Variants in HYDIN observed in about 807,000 individuals in gnomAD.
The protein encoded by HYDIN is HYDIN axonemal central pair apparatus protein.
HYDIN carries 132 observed loss-of-function variants against 403.9 expected under a neutral mutation model. That is an observed-to-expected ratio of 0.33 (90% confidence interval 0.28 to 0.38). HYDIN has a LOEUF of 0.38. Ranked by LOEUF, HYDIN falls within the 10% of genes least tolerant of loss-of-function variation. The probability of loss-of-function intolerance (pLI) is 1.00; values close to 1 mark genes in which losing one functional copy is unlikely to be tolerated. For missense variants in HYDIN, 2,827 were observed against 5,009.5 expected, an observed-to-expected ratio of 0.56 and a Z score of 13.15; for synonymous variants, 1,202 against 1,891.7, an observed-to-expected ratio of 0.64 and a Z score of 9.46.
intron 84 of HYDIN, among the ~76,000 whole-genome samples, chr16:70,810,604 G>A (rs562114311): frequency 6.6e-6 from 1 of 152,292 alleles, no homozygotes; most frequent in South Asian, 2.1e-4. Context: ...GGCTGAGGCG[G>A]GTGGATCACA....
Position 70,938,594 on chromosome 16 carries a change from G to GGCCA in HYDIN, c.6995+16_6995+19dup. The GGCCA allele has an allele frequency of 1.3e-6, 2 of 1,526,436 alleles. No homozygotes were observed. Among genetic ancestry groups the GGCCA allele is most frequent in the Non-Finnish European group, 1.8e-6 (2 of 1,109,012 alleles). The allele number at this position is 1,526,436 out of a possible 1,614,324, so 94.6% of individuals were successfully genotyped here. On this transcript the variant is annotated intron_variant, in intron 44 of 85. Transcript: ENST00000393567. ...GTCCCGGGGGAATGGCTTCTGCTCT[G>GGCCA]GCCAGCCCTTGGCCCTGACCTCTTC...
chr16:70,816,017 G>C (rs2035814479), intron 84 of HYDIN, among the ~76,000 whole-genome samples: 1 of 151,826 alleles, frequency 6.6e-6, no homozygotes, highest in Non-Finnish European at 1.5e-5. Flanking sequence ...GCTGAGGCAA[G>C]AGCATTGCTT....
At chr16:70,937,934 C>T (rs557312424) in intron 44 of HYDIN, among the ~76,000 whole-genome samples, 123 of 152,126 alleles carry the variant, frequency 8.1e-4, no homozygotes, top group African/African-American at 2.8e-3. Context: ...CTGAGATAGC[C>T]CGAGGTGGCA....
At chr16:71,069,751 T>C (rs1426024015) in intron 13 of HYDIN, among the ~76,000 whole-genome samples, 1 of 152,234 alleles carries the variant, frequency 6.6e-6, no homozygotes, top group Non-Finnish European at 1.5e-5. Flanking sequence ...ATTTACTATG[T>C]GGGAGATTAA....
At chr16:70,991,453 T>A in intron 24 of HYDIN, 57 bp from the exon 25 acceptor site, 2 of 1,598,426 alleles carry the variant, frequency 1.3e-6, no homozygotes, top group South Asian at 2.2e-5. Context: ...CGCCACACAG[T>A]CTCAGGTGCA....
chr16:71,089,202 G>T (rs1182700467), intron 11 of HYDIN, among the ~76,000 whole-genome samples: 1 of 151,938 alleles, frequency 6.6e-6, no homozygotes, highest in Non-Finnish European at 1.5e-5. Context: ...TGCACACTGG[G>T]TTTAGTGTGT....
intron 78 of HYDIN, among the ~76,000 whole-genome samples, chr16:70,834,865 CATAT>C (rs145510606): frequency 3.5e-5 from 5 of 142,934 alleles, no homozygotes; most frequent in African/African-American, 1.4e-4. Flanking sequence ...ACCAAACAAA[CATAT>C]ATATATGTGT....
At chr16:70,922,310 C>T (rs2077018538) in intron 45 of HYDIN, among the ~76,000 whole-genome samples, 1 of 152,182 alleles carries the variant, frequency 6.6e-6, no homozygotes, top group Non-Finnish European at 1.5e-5. Flanking sequence ...AAGATGGGGC[C>T]CAGTGAGGGA....
In HYDIN at chr16:71,062,032, G is replaced by A. The variant is rs1226227253; in HGVS notation, c.2376+137C>T. 8 of 664,938 alleles carry A rather than the reference G, an allele frequency of 1.2e-5. No homozygotes were observed. In the East Asian group the frequency reaches 1.4e-4, roughly 11 times the overall value. The allele number at this position is 664,938 out of a possible 1,614,324, so 41.2% of individuals were successfully genotyped here. A position where few individuals can be genotyped will look rare whatever the true frequency, so the allele number is the denominator to read the frequency against. On this transcript the variant is annotated intron_variant, in intron 17 of 85. Transcript: ENST00000393567. ...ATAGCACCGGTATTTTACCATTGCA[G>A]AGTAAAAACATAAAACCCTACAACT... is the stretch of plus-strand genomic sequence containing the variant.
In HYDIN at chr16:70,829,650, G is replaced by A. The variant is rs201961276; in HGVS notation, c.14080C>T (p.Arg4694Cys). The A allele has an allele frequency of 5.6e-5, 90 of 1,613,266 alleles. No individual in the cohort carries two copies. The African/African-American group carries it at 5.6e-4, about 10-fold the overall frequency. ...NKPYEITYRP[R>C]TMNLENRKHQ... Reference sequence around the variant, plus strand: ...TTGCGGTTCTCCAAGTTCATGGTGCGGGGCCTGTAGGTGATCTCATAGGGC... The same window carrying A: ...TTGCGGTTCTCCAAGTTCATGGTGCAGGGCCTGTAGGTGATCTCATAGGGC... The change falls in exon 81 of 86, where the codon CGC becomes TGC. Residue 4694 changes from arginine to cysteine, a missense_variant. Physicochemically the swap from Arg to Cys is radical, Grantham distance 180. Transcript: ENST00000393567.
At chr16:70,921,296 C>T (rs930181275) in intron 45 of HYDIN, 79 bp from the exon 46 acceptor site, 6 of 1,519,970 alleles carry the variant, frequency 3.9e-6, no homozygotes, top group Non-Finnish European at 5.3e-6. Context: ...AGCAAAAGGA[C>T]ATTTTGTCTC....
intron 45 of HYDIN, among the ~76,000 whole-genome samples, chr16:70,926,877 G>A (rs1468394165): frequency 1.3e-5 from 2 of 152,066 alleles, no homozygotes; most frequent in Admixed American, 6.6e-5. Context: ...TGAATAGCAG[G>A]TTAGACCTCA....
rs117295601 is a variant in HYDIN, at chr16:70,841,875, A to T, written c.12874-1642T>A. 1.6e-4 allele frequency among the ~76,000 whole-genome samples: 24 copies of T among 150,228 alleles called. 1 individual carries two copies. In the East Asian group the frequency reaches 4.3e-3, roughly 27 times the overall value. ...CAGAACCATGAGCCGAAACATTTCT[A>T]TTCATTATAAATTACCCAGTCTCAG... On this transcript the variant is annotated intron_variant, in intron 75 of 85. Transcript: ENST00000393567.
chr16:70,847,109 C>T lies in HYDIN; in HGVS notation c.12873+2617G>A, dbSNP rs575222094. On this transcript the variant is annotated intron_variant, in intron 75 of 85. Coordinates refer to ENST00000393567, the MANE Select transcript of HYDIN (RefSeq NM_001270974.2). ...TATGACGTTAGCTGGTGATTTTGCT[C>T]GTTAGTTGATGCAGTTTCTTCCTAG... 4.6e-5 allele frequency among the ~76,000 whole-genome samples: 7 copies of T among 150,902 alleles called. No homozygotes were observed. In the East Asian group the frequency reaches 9.8e-4, roughly 21 times the overall value.
intron 21 of HYDIN, among the ~76,000 whole-genome samples, chr16:71,024,560 T>C (rs554281959): frequency 4.9e-5 from 7 of 142,926 alleles, no homozygotes; most frequent in Middle Eastern, 3.4e-3. Flanking sequence ...GCTTTGGTTA[T>C]GTTTGTCTGG....
chr16:70,989,765 T>C (rs2079285772), intron 25 of HYDIN, among the ~76,000 whole-genome samples: 1 of 152,344 alleles, frequency 6.6e-6, no homozygotes, highest in Middle Eastern at 3.4e-3. Context: ...GTACCCACTG[T>C]CCAGTTTCCT....
rs1431184539 is a variant in HYDIN at position 71,130,511 on chromosome 16, C to T, written c.1044-688G>A. 3.7e-3 allele frequency among the ~76,000 whole-genome samples: 440 copies of T among 118,704 alleles called. 1 individual carries two copies. The highest frequency in any genetic ancestry group is 7.8e-3 in the Middle Eastern group (1 of 128). 77.9% of individuals were successfully genotyped at this position (118,704 alleles called of 152,430 possible). ...TTTTTTTTTTTTTGAGACGGAGTCT[C>T]GCTCTGTCGCCCAGGCCGGACTGCG... is the stretch of plus-strand genomic sequence containing the variant. On this transcript the variant is annotated intron_variant, in intron 8 of 85. Transcript: ENST00000393567.
intron 7 of HYDIN, among the ~76,000 whole-genome samples, chr16:71,151,434 G>C (rs1425398470): frequency 6.6e-6 from 1 of 151,512 alleles, no homozygotes; most frequent in East Asian, 1.9e-4. Context: ...CCTTCTCTGG[G>C]TGTACCTTCA....
At chr16:71,145,985 A>G (rs1470854753) in intron 7 of HYDIN, among the ~76,000 whole-genome samples, 3 of 152,214 alleles carry the variant, frequency 2.0e-5, no homozygotes, top group Non-Finnish European at 4.4e-5. Context: ...AGCTGAACTC[A>G]AAACTCAACA....
Sources: allele counts gnomAD v4.1 joint callset (sites outside exome capture counted in the v4.1 genomes callset), GRCh38; gene constraint gnomAD v4.1.1; transcripts MANE v1.5; gene names NCBI Gene and HGNC (gene_info 2026-07-23, HGNC 2026-07-21).